ARHGAP24: variants seen among roughly 807,000 people sequenced by gnomAD.
ARHGAP24 encodes Rho GTPase activating protein 24.
In ARHGAP24, 50 loss-of-function variants were observed where a neutral mutation model predicts 76.4. The ratio of observed to expected loss-of-function variants is 0.65; its 90% CI spans 0.52 to 0.83. The LOEUF (loss-of-function observed/expected upper bound fraction) is 0.83, where lower values mean the gene tolerates loss of function less well. Among genes scored for constraint, ARHGAP24 ranks in the 40% least tolerant of loss-of-function variants. The probability of loss-of-function intolerance (pLI) is 0.00; values close to 1 mark genes in which losing one functional copy is unlikely to be tolerated. For synonymous variants in ARHGAP24, 345 were observed against 323.3 expected, an observed-to-expected ratio of 1.07 and a Z score of -0.72; for missense variants, 930 against 914.2, an observed-to-expected ratio of 1.02 and a Z score of -0.22.
intron 3 of ARHGAP24, among the ~76,000 whole-genome samples, chr4:85,724,064 T>C (rs543955875): frequency 2.6e-5 from 4 of 152,330 alleles, no homozygotes; most frequent in Admixed American, 2.6e-4. Flanking sequence ...TCAGAATGCA[T>C]AGGAGGCAGC....
At chr4:85,693,444 G>A (rs959240211) in intron 2 of ARHGAP24, among the ~76,000 whole-genome samples, 2 of 152,184 alleles carry the variant, frequency 1.3e-5, no homozygotes, top group Non-Finnish European at 2.9e-5. Flanking sequence ...CTCAGTCTCT[G>A]AGAGTGTGGG....
At chr4:85,530,314 A>G (rs979930063) in intron 1 of ARHGAP24, among the ~76,000 whole-genome samples, 1 of 152,016 alleles carries the variant, frequency 6.6e-6, no homozygotes, top group East Asian at 1.9e-4. Flanking sequence ...TAATTCATCC[A>G]CACAGAGTGG....
At chr4:85,916,589 A>T (rs1735414182) in intron 3 of ARHGAP24, among the ~76,000 whole-genome samples, 1 of 152,186 alleles carries the variant, frequency 6.6e-6, no homozygotes, top group Admixed American at 6.5e-5. Flanking sequence ...ATTAAATGAC[A>T]TAAATTTCCA....
At chr4:85,616,774 T>A (rs2110000141) in intron 2 of ARHGAP24, among the ~76,000 whole-genome samples, 1 of 152,100 alleles carries the variant, frequency 6.6e-6, no homozygotes, top group African/African-American at 2.4e-5. Flanking sequence ...ATTACAGGGG[T>A]GCGCCACCAT....
At chr4:85,579,151 C>G (rs1727505113) in intron 2 of ARHGAP24, among the ~76,000 whole-genome samples, 1 of 152,078 alleles carries the variant, frequency 6.6e-6, no homozygotes, top group Admixed American at 6.6e-5. Context: ...CACTGGTTTT[C>G]TGGTTTCTCA....
At chr4:85,578,145 G>A (rs1174815125) in intron 2 of ARHGAP24, among the ~76,000 whole-genome samples, 1 of 152,166 alleles carries the variant, frequency 6.6e-6, no homozygotes, top group Non-Finnish European at 1.5e-5. Flanking sequence ...CTGCCTATCT[G>A]AAAAGGCATT....
rs1466171262 is a variant in ARHGAP24 at position 85,942,229 on chromosome 4, G to T, written c.555G>T (p.Glu185Asp). The stretch of plus-strand genomic sequence containing the variant: ...CAGGCCAGGCTAATCTTGTTAAGGA[G>T]CTCCAAGATGCCTTTGACTGTGGGG... Reference protein sequence around the residue: ...RLPGQANLVKELQDAFDCGEK... With the variant: ...RLPGQANLVKDLQDAFDCGEK... Residue 185 changes from glutamate to aspartate, a missense_variant, in exon 5 of 10, where the codon GAG (glutamate) becomes GAT (aspartate). Physicochemically the swap from Glu to Asp is conservative, Grantham distance 45. Coordinates refer to ENST00000395184, the MANE Select transcript of ARHGAP24 (RefSeq NM_001025616.3). The T allele has an allele frequency of 6.2e-7, 1 of 1,614,056 alleles. No homozygotes were observed.
intron 3 of ARHGAP24, among the ~76,000 whole-genome samples, chr4:85,814,768 A>G (rs1729165381): frequency 6.6e-6 from 1 of 152,130 alleles, no homozygotes; most frequent in African/African-American, 2.4e-5. Flanking sequence ...TTCTTCTCAT[A>G]GCTCTTCTCA....
chr4:85,678,776 T>C (rs988309161), intron 2 of ARHGAP24, among the ~76,000 whole-genome samples: 1 of 152,204 alleles, frequency 6.6e-6, no homozygotes, highest in African/African-American at 2.4e-5. Flanking sequence ...CAAGTCTTAG[T>C]CATTTTCAGA....
intron 2 of ARHGAP24, among the ~76,000 whole-genome samples, chr4:85,660,027 CT>C (rs2109990789): frequency 6.6e-6 from 1 of 152,280 alleles, no homozygotes; most frequent in African/African-American, 2.4e-5. Flanking sequence ...GGGAGTTGCC[CT>C]TATCACTTCT....
At chr4:85,832,582 T>C (rs1452447650) in intron 3 of ARHGAP24, among the ~76,000 whole-genome samples, 15 of 152,202 alleles carry the variant, frequency 9.9e-5, no homozygotes, top group Non-Finnish European at 1.8e-4. Flanking sequence ...GGTTAGTCCA[T>C]TGTGGACAAC....
chr4:85,957,468 C>G (rs1373541594), intron 5 of ARHGAP24, among the ~76,000 whole-genome samples: 1 of 152,212 alleles, frequency 6.6e-6, no homozygotes, highest in African/African-American at 2.4e-5. Context: ...TTGGCATGTG[C>G]TGGTACCATT....
intron 2 of ARHGAP24, among the ~76,000 whole-genome samples, chr4:85,706,445 A>C (rs958057897): frequency 1.5e-4 from 23 of 152,236 alleles, no homozygotes; most frequent in African/African-American, 5.5e-4. Flanking sequence ...TTATATCAAC[A>C]TTTTTCTATA....
intron 2 of ARHGAP24, among the ~76,000 whole-genome samples, chr4:85,660,902 AT>A (rs1722358978): frequency 6.7e-6 from 1 of 150,000 alleles, no homozygotes; most frequent in Non-Finnish European, 1.5e-5. Flanking sequence ...CCGATTTGGT[AT>A]TTTGAGACTT....
intron 5 of ARHGAP24, among the ~76,000 whole-genome samples, chr4:85,958,789 C>T (rs1379494128): frequency 2.6e-5 from 4 of 152,150 alleles, no homozygotes; most frequent in Non-Finnish European, 4.4e-5. Context: ...TTTATCACCC[C>T]AATAAGATTT....
intron 3 of ARHGAP24, among the ~76,000 whole-genome samples, chr4:85,870,335 A>C (rs1732452557): frequency 1.3e-5 from 2 of 152,180 alleles, no homozygotes; most frequent in Non-Finnish European, 2.9e-5. Flanking sequence ...TTTCTTTCAA[A>C]GATGAAATGT....
At chr4:85,538,449 T>G (rs1368191671) in intron 1 of ARHGAP24, among the ~76,000 whole-genome samples, 2 of 152,268 alleles carry the variant, frequency 1.3e-5, no homozygotes, top group East Asian at 3.9e-4. Flanking sequence ...GGGTTCAACC[T>G]CATCAGTAAG....
At chr4:85,839,843 CTTTTTTTTTTTTTTT>C (rs33974767) in intron 3 of ARHGAP24, among the ~76,000 whole-genome samples, 5 of 105,628 alleles carry the variant, frequency 4.7e-5, no homozygotes, top group Admixed American at 2.2e-4. Flanking sequence ...TTTCTGTTTT[CTTTTTTTTTTTTTTT>C]TTTTTTTTTG....
intron 3 of ARHGAP24, among the ~76,000 whole-genome samples, chr4:85,759,227 C>T (rs926943157): frequency 1.3e-5 from 2 of 152,042 alleles, no homozygotes; most frequent in Non-Finnish European, 1.5e-5. Flanking sequence ...ACAATAATAA[C>T]TTTAGGAGAA....
Sources: allele counts gnomAD v4.1 joint callset (sites outside exome capture counted in the v4.1 genomes callset), GRCh38; gene constraint gnomAD v4.1.1; transcripts MANE v1.5; gene names NCBI Gene and HGNC (gene_info 2026-07-23, HGNC 2026-07-21).